Variants in RALGAPA2 observed in about 807,000 individuals in gnomAD.
The protein encoded by RALGAPA2 is ral GTPase-activating protein subunit alpha-2.
Under a neutral mutation model 230.4 loss-of-function variants are expected in RALGAPA2, and 139 were observed. That is an observed-to-expected ratio of 0.60 (90% CI 0.53 to 0.69). RALGAPA2 has a LOEUF of 0.69. Ranked by LOEUF, RALGAPA2 falls within the 30% of genes least tolerant of loss-of-function variation. The pLI, the probability that RALGAPA2 is intolerant of heterozygous loss-of-function variation, is 0.00. For missense variants in RALGAPA2, 2,163 were observed against 2,276.0 expected (o/e 0.95, Z 1.01); for synonymous variants, 847 against 837.8 (o/e 1.01, Z -0.19).
intron 37 of RALGAPA2, among the ~76,000 whole-genome samples, chr20:20,441,594 C>G (rs1244047000): frequency 6.6e-6 from 1 of 152,188 alleles, no homozygotes; most frequent in African/African-American, 2.4e-5. Context: ...GAGGAGCACT[C>G]CCTCTCTCCT....
intron 16 of RALGAPA2, among the ~76,000 whole-genome samples, chr20:20,593,656 A>AT (rs1262385144): frequency 2.0e-5 from 3 of 152,250 alleles, no homozygotes; most frequent in Admixed American, 6.5e-5. Context: ...GGCAAATGCC[A>AT]TTTTTTATGG....
chr20:20,642,392 G>T (rs943085629), intron 5 of RALGAPA2, among the ~76,000 whole-genome samples: 4 of 151,970 alleles, frequency 2.6e-5, no homozygotes, highest in African/African-American at 9.7e-5. Flanking sequence ...TGTATTTTTA[G>T]TAGAGACGGG....
At chr20:20,580,745 A>G (rs1437312851) in intron 20 of RALGAPA2, among the ~76,000 whole-genome samples, 1 of 152,192 alleles carries the variant, frequency 6.6e-6, no homozygotes, top group Non-Finnish European at 1.5e-5. Flanking sequence ...ATGCACAGTA[A>G]ATTTAGCTGT....
chr20:20,580,567 C>T (rs1402282779), intron 20 of RALGAPA2, among the ~76,000 whole-genome samples: 1 of 152,202 alleles, frequency 6.6e-6, no homozygotes, highest in African/African-American at 2.4e-5. Flanking sequence ...AGAAATGACA[C>T]TAAAAGCGGT....
chr20:20,494,904 C>A (rs1037379298), intron 36 of RALGAPA2, among the ~76,000 whole-genome samples: 1 of 152,114 alleles, frequency 6.6e-6, no homozygotes, highest in Non-Finnish European at 1.5e-5. Flanking sequence ...CCTAGTAATA[C>A]AATAATACAA....
At chr20:20,483,223 C>A (rs1019364379) in intron 36 of RALGAPA2, among the ~76,000 whole-genome samples, 4 of 152,052 alleles carry the variant, frequency 2.6e-5, no homozygotes, top group African/African-American at 7.3e-5. Context: ...CACTGCCCAT[C>A]AAAGAATGAT....
intron 9 of RALGAPA2, among the ~76,000 whole-genome samples, chr20:20,633,629 A>G (rs2066760770): frequency 6.6e-6 from 1 of 152,052 alleles, no homozygotes; most frequent in Non-Finnish European, 1.5e-5. Context: ...CTGGGACTAC[A>G]GGTACCCGCC....
intron 27 of RALGAPA2, 56 bp from the exon 28 acceptor site, chr20:20,526,418 C>A: frequency 8.6e-7 from 1 of 1,162,704 alleles, no homozygotes; most frequent in South Asian, 1.5e-5. Context: ...GTGTATCGTT[C>A]TTAAGGACAA....
At chr20:20,661,251 C>CA (rs1321919948) in intron 3 of RALGAPA2, among the ~76,000 whole-genome samples, 1 of 152,146 alleles carries the variant, frequency 6.6e-6, no homozygotes, top group African/African-American at 2.4e-5. Flanking sequence ...CTCCACCACC[C>CA]AGGCTCAAGT....
intron 20 of RALGAPA2, among the ~76,000 whole-genome samples, chr20:20,582,161 A>AGTGTGTGTGTGTGTGTGT (rs35240382): frequency 5.0e-4 from 73 of 146,064 alleles, no homozygotes; most frequent in Non-Finnish European, 7.9e-4. Context: ...AGTGTCACAC[A>AGTGTGTGTGTGTGTGTGT]GTGTGTGTGT....
chr20:20,471,173 C>T (rs2061531642), intron 37 of RALGAPA2: 1 of 152,162 alleles, frequency 6.6e-6, no homozygotes, highest in Admixed American at 6.5e-5. Context: ...CCTGATGTGT[C>T]ACTGCTTGAA....
intron 32 of RALGAPA2, 81 bp downstream of exon 32, chr20:20,512,432 T>C: frequency 1.5e-6 from 2 of 1,349,468 alleles, no homozygotes; most frequent in Non-Finnish European, 2.0e-6. Context: ...TCTTTTCTTC[T>C]TCCCCAACCA....
chr20:20,564,758 C>A (rs1053280377), intron 23 of RALGAPA2, among the ~76,000 whole-genome samples: 1 of 152,144 alleles, frequency 6.6e-6, no homozygotes, highest in African/African-American at 2.4e-5. Flanking sequence ...ATTTTAGTTC[C>A]CAGTATCAGG....
At chr20:20,661,160 T>C (rs776444130) in intron 3 of RALGAPA2, among the ~76,000 whole-genome samples, 2 of 152,110 alleles carry the variant, frequency 1.3e-5, no homozygotes, top group Non-Finnish European at 2.9e-5. Context: ...CGAATTTTGC[T>C]TTATTTATTT....
Position 20,512,578 on chromosome 20 carries a change from G to A in RALGAPA2, c.4791C>T (p.Pro1597=), listed in dbSNP as rs35039408. ...ACCTGCAGAAATAAAAGGGTCCTCG[G>A]GGCTCCACTGGGGAGGGCTGCCCTT... is the stretch of plus-strand genomic sequence containing the variant. The part of the protein sequence containing the change: ...TSQGQPSPVE[P]RGPFYFCRLL... The change falls in exon 32 of 40, where the codon CCC becomes CCT. Residue 1597 remains proline (P), a synonymous_variant. Transcript: ENST00000202677. The A allele has an allele frequency of 0.39, 630,355 of 1,613,030 alleles. 128,832 individuals carry two copies. Among genetic ancestry groups the A allele is most frequent in the Middle Eastern group, 0.45 (2,709 of 6,060 alleles).
intron 18 of RALGAPA2, 34 bp downstream of exon 18, chr20:20,589,234 A>C: frequency 6.6e-7 from 1 of 1,523,660 alleles, no homozygotes; most frequent in Non-Finnish European, 8.8e-7. Context: ...GTTTATTTTT[A>C]ATGACAAACT....
At chr20:20,652,104 T>C (rs181087379) in intron 4 of RALGAPA2, among the ~76,000 whole-genome samples, 7 of 152,352 alleles carry the variant, frequency 4.6e-5, no homozygotes, top group African/African-American at 1.4e-4. Context: ...AATTGACATA[T>C]ACACTTTTTT....
At chr20:20,460,792 A>G (rs1343568274) in intron 37 of RALGAPA2, among the ~76,000 whole-genome samples, 2 of 152,224 alleles carry the variant, frequency 1.3e-5, no homozygotes, top group African/African-American at 4.8e-5. Flanking sequence ...CTGACAGCAC[A>G]CAGCAGCTCT....
At chr20:20,490,355 T>A (rs1182378499) in intron 36 of RALGAPA2, among the ~76,000 whole-genome samples, 3 of 152,200 alleles carry the variant, frequency 2.0e-5, no homozygotes, top group African/African-American at 7.2e-5. Context: ...CTAAAAATAA[T>A]GCTAATAACA....
Sources: allele counts gnomAD v4.1 joint callset (sites outside exome capture counted in the v4.1 genomes callset), GRCh38; gene constraint gnomAD v4.1.1; transcripts MANE v1.5; gene names NCBI Gene and HGNC (gene_info 2026-07-23, HGNC 2026-07-21).